GAB2: variants seen among roughly 807,000 people sequenced by gnomAD.
GAB2 encodes the protein GRB2 associated binding protein 2.
Under a neutral mutation model 65.5 loss-of-function variants are expected in GAB2, and 26 were observed. The ratio of observed to expected loss-of-function variants is 0.40; its 90% CI spans 0.29 to 0.55. The LOEUF is 0.55. Among genes scored for constraint, GAB2 ranks in the 20% least tolerant of loss-of-function variants. The pLI is 0.53. For missense variants in GAB2, 884 were observed against 875.8 expected, an observed-to-expected ratio of 1.01 and a Z score of -0.12; for synonymous variants, 321 against 329.6, an observed-to-expected ratio of 0.97 and a Z score of 0.28.
At chr11:78,380,769 T>G (rs1393832505) in intron 1 of GAB2, among the ~76,000 whole-genome samples, 6 of 145,654 alleles carry the variant, frequency 4.1e-5, no homozygotes, top group South Asian at 2.2e-4. Context: ...TCTGCCCCCA[T>G]TCCCCACCCC....
chr11:78,310,270 A>C (rs2134642228), intron 1 of GAB2, among the ~76,000 whole-genome samples: 1 of 151,790 alleles, frequency 6.6e-6, no homozygotes, highest in East Asian at 1.9e-4. Flanking sequence ...TGGGAGGCCA[A>C]GGCGGTTGGA....
At chr11:78,381,640 T>C (rs966284275) in intron 1 of GAB2, among the ~76,000 whole-genome samples, 2 of 151,650 alleles carry the variant, frequency 1.3e-5, no homozygotes, top group Non-Finnish European at 2.9e-5. Context: ...TCAGATCTCC[T>C]AAACATGTTA....
chr11:78,387,308 T>A (rs927370335), intron 1 of GAB2, among the ~76,000 whole-genome samples: 3 of 152,232 alleles, frequency 2.0e-5, no homozygotes, highest in Admixed American at 6.5e-5. Context: ...GCTGTCATCT[T>A]CTCTAGATGT....
At chr11:78,274,169 G>A (rs1866099654) in intron 2 of GAB2, among the ~76,000 whole-genome samples, 1 of 152,170 alleles carries the variant, frequency 6.6e-6, no homozygotes. Context: ...CAGTTACTTG[G>A]AGGCTGAGGT....
At chr11:78,336,531 T>C (rs1048541568) in intron 1 of GAB2, among the ~76,000 whole-genome samples, 1 of 149,076 alleles carries the variant, frequency 6.7e-6, no homozygotes, top group Non-Finnish European at 1.5e-5. Flanking sequence ...TATGAGATCA[T>C]ATCATGAGCA....
chr11:78,408,832 G>A (rs1018025175), intron 1 of GAB2, among the ~76,000 whole-genome samples: 2 of 152,128 alleles, frequency 1.3e-5, no homozygotes, highest in Non-Finnish European at 1.5e-5. Context: ...CATGTAAGAT[G>A]TGCCTGCTTC....
chr11:78,328,546 A>G (rs1410614662), intron 1 of GAB2, among the ~76,000 whole-genome samples: 4 of 152,234 alleles, frequency 2.6e-5, no homozygotes, highest in South Asian at 2.1e-4. Context: ...AGGAGAATGC[A>G]TAAACAAAGT....
intron 1 of GAB2, among the ~76,000 whole-genome samples, chr11:78,372,557 A>C (rs1236581417): frequency 6.6e-6 from 1 of 152,228 alleles, no homozygotes; most frequent in Non-Finnish European, 1.5e-5. Context: ...CTACTTGCAG[A>C]AAAACTGCTG....
At chr11:78,310,627 T>C (rs528177927) in intron 1 of GAB2, among the ~76,000 whole-genome samples, 51 of 152,174 alleles carry the variant, frequency 3.4e-4, no homozygotes, top group Middle Eastern at 3.4e-3. Flanking sequence ...ACAGAAGATT[T>C]AAATGAGCTC....
chr11:78,237,971 G>A (rs1865025818), intron 3 of GAB2, among the ~76,000 whole-genome samples: 4 of 152,136 alleles, frequency 2.6e-5, no homozygotes, highest in East Asian at 1.9e-4. Context: ...AGTGGGAGCT[G>A]AACAATGAGA....
At chr11:78,257,516 T>C (rs898709378) in intron 2 of GAB2, among the ~76,000 whole-genome samples, 2 of 152,204 alleles carry the variant, frequency 1.3e-5, no homozygotes, top group Non-Finnish European at 2.9e-5. Flanking sequence ...CTGTGAGGAA[T>C]AGAGATCATT....
At chr11:78,288,856 C>T (rs1866566357) in intron 1 of GAB2, among the ~76,000 whole-genome samples, 1 of 152,148 alleles carries the variant, frequency 6.6e-6, no homozygotes, top group African/African-American at 2.4e-5. Flanking sequence ...AAAGGAAGCA[C>T]AATAGCTAAA....
intron 3 of GAB2, among the ~76,000 whole-genome samples, chr11:78,239,337 C>T (rs1348424840): frequency 3.3e-5 from 5 of 152,178 alleles, no homozygotes; most frequent in Non-Finnish European, 7.4e-5. Context: ...TCTCCTGCCT[C>T]AGCCTCCCGA....
At chr11:78,407,717 T>C (rs1857071205) in intron 1 of GAB2, among the ~76,000 whole-genome samples, 1 of 76,718 alleles carries the variant, frequency 1.3e-5, no homozygotes, top group Non-Finnish European at 2.6e-5. Flanking sequence ...GCATTTTCCG[T>C]CCCAAAAAGA....
chr11:78,413,208 T>G (rs1857151580), intron 1 of GAB2, among the ~76,000 whole-genome samples: 1 of 152,176 alleles, frequency 6.6e-6, no homozygotes, highest in Non-Finnish European at 1.5e-5. Flanking sequence ...GATGGAAATT[T>G]AACTTGATGA....
intron 2 of GAB2, among the ~76,000 whole-genome samples, chr11:78,269,840 T>C (rs535547124): frequency 7.2e-5 from 11 of 152,238 alleles, no homozygotes; most frequent in African/African-American, 2.7e-4. Flanking sequence ...AGATTAGACA[T>C]GTGACTACTG....
chr11:78,284,824 T>C (rs1232792113), intron 1 of GAB2, among the ~76,000 whole-genome samples: 1 of 152,180 alleles, frequency 6.6e-6, no homozygotes, highest in Non-Finnish European at 1.5e-5. Flanking sequence ...GTTCTTTTTA[T>C]TCCATGATGC....
intron 1 of GAB2, among the ~76,000 whole-genome samples, chr11:78,379,457 T>A (rs73502912): frequency 0.025 from 3,736 of 152,330 alleles, 120 homozygotes; most frequent in African/African-American, 0.078. Context: ...GGGAAATAGA[T>A]AAGGTAAAGC....
chr11:78,327,557 T>C (rs189856923), intron 1 of GAB2, among the ~76,000 whole-genome samples: 1 of 152,202 alleles, frequency 6.6e-6, no homozygotes, highest in East Asian at 1.9e-4. Context: ...CATGAAGTGT[T>C]TGGGAAACAA....
Sources: allele counts gnomAD v4.1 joint callset (sites outside exome capture counted in the v4.1 genomes callset), GRCh38; gene constraint gnomAD v4.1.1; transcripts MANE v1.5; gene names NCBI Gene and HGNC (gene_info 2026-07-23, HGNC 2026-07-21).